Variants in PLEKHA4 observed in about 807,000 individuals in gnomAD.
PLEKHA4 encodes the protein pleckstrin homology domain containing A4, also known as pleckstrin homology domain-containing family A member 4.
Under a neutral mutation model 94.7 loss-of-function variants are expected in PLEKHA4, and 73 were observed. The observed-to-expected ratio is 0.77, with a 90% CI of 0.64 to 0.94. The LOEUF (loss-of-function observed/expected upper bound fraction) is 0.94. PLEKHA4 is among the 40% of genes least tolerant of loss of function. The pLI, the probability that PLEKHA4 is intolerant of heterozygous loss-of-function variation, is 0.00. For missense variants in PLEKHA4, 1,049 were observed against 1,054.1 expected (o/e 1.00, Z 0.07); for synonymous variants, 449 against 437.1 (o/e 1.03, Z -0.34).
At chr19:48,844,715 C>A (rs1941250329) in intron 16 of PLEKHA4, 1 of 897,886 alleles carries the variant, frequency 1.1e-6, no homozygotes, top group Non-Finnish European at 1.3e-6. Flanking sequence ...TAAAGTCAAC[C>A]AATTCCTAAA....
intron 8 of PLEKHA4, 128 bp from the exon 9 acceptor site, chr19:48,857,624 T>C (rs555141078): frequency 7.1e-5 from 44 of 624,066 alleles, no homozygotes; most frequent in Middle Eastern, 4.2e-4. Flanking sequence ...CCCCCAACCC[T>C]GTGCTCTCTG....
intron 18 of PLEKHA4, among the ~76,000 whole-genome samples, chr19:48,838,950 G>A (rs960302720): frequency 6.6e-6 from 1 of 151,928 alleles, no homozygotes; most frequent in African/African-American, 2.4e-5. Flanking sequence ...TAGTCCACTC[G>A]CGCGTCACTA....
rs180753149 is a variant in PLEKHA4, at chr19:48,849,540, C to T, written c.1426-1500G>A. Among the ~76,000 whole-genome samples the T allele has an allele frequency of 3.3e-5, 5 of 152,136 alleles. No individual in the cohort carries two copies. The East Asian group carries it at 9.7e-4, about 30-fold the overall frequency. On this transcript the variant is annotated intron_variant, in intron 13 of 19. Transcript: ENST00000263265. ...GTCAGATTGGTCTCCAACTCCTGAC[C>T]TCAAGTGATCCACCTGCCTTGGCCT...
In PLEKHA4 at chr19:48,837,922, CG is replaced by C; in HGVS notation, c.2077+94del. ...ACTCACCAAGATAAAAAATTCTCAC[CG>C]GCCCCCAGACCCCTCCTCTCCAGGA... is the stretch of plus-strand genomic sequence containing the variant. On this transcript the variant is annotated intron_variant, in intron 19 of 19. Coordinates refer to ENST00000263265, the MANE Select transcript of PLEKHA4 (RefSeq NM_020904.3). The surrounding 1 kb of genome is among the most constrained non-coding windows in gnomAD (Gnocchi z 4.3). The C allele has an allele frequency of 9.8e-7, 1 of 1,022,822 alleles. No individual in the cohort carries two copies. Among genetic ancestry groups the C allele is most frequent in the South Asian group, 1.5e-5 (1 of 68,064 alleles). 63.4% of individuals were successfully genotyped at this position (1,022,822 alleles called of 1,614,324 possible).
At chr19:48,856,171 C>CAA (rs763000093) in intron 9 of PLEKHA4, among the ~76,000 whole-genome samples, 1 of 60,390 alleles carries the variant, frequency 1.7e-5, no homozygotes, top group Non-Finnish European at 3.2e-5. Context: ...AACTCCTTCT[C>CAA]AAAAAAAAAA....
At chr19:48,852,032 T>G (rs2036212314) in intron 13 of PLEKHA4, among the ~76,000 whole-genome samples, 196 bp downstream of exon 13, 1 of 151,968 alleles carries the variant, frequency 6.6e-6, no homozygotes, top group African/African-American at 2.4e-5. Flanking sequence ...AAAATTTTAA[T>G]GAGAGAATTT....
chr19:48,860,517 G>C, intron 5 of PLEKHA4, 58 bp from the exon 6 acceptor site: 2 of 1,356,740 alleles, frequency 1.5e-6, no homozygotes, highest in Non-Finnish European at 1.1e-6. Context: ...AGGAGGACAG[G>C]CCGGACCGGT....
intron 7 of PLEKHA4, 49 bp from the exon 8 acceptor site, chr19:48,859,188 A>G: frequency 7.4e-7 from 1 of 1,357,602 alleles, no homozygotes; most frequent in African/African-American, 1.5e-5. Flanking sequence ...AGCCCTCTCC[A>G]TCCACCTCCT....
At chr19:48,861,562 G>A (rs933619542) in intron 4 of PLEKHA4, 58 bp downstream of exon 4, 7 of 1,612,452 alleles carry the variant, frequency 4.3e-6, no homozygotes, top group South Asian at 1.1e-5. Flanking sequence ...ATGCTAGAGA[G>A]AAGGGCAGAC....
At chr19:48,862,609 C>T (rs2036686258) in intron 3 of PLEKHA4, among the ~76,000 whole-genome samples, 3 of 149,894 alleles carry the variant, frequency 2.0e-5, no homozygotes, top group Admixed American at 1.3e-4. Context: ...CCCGGGTTCA[C>T]GCCATTCTCC....
At chr19:48,839,116 A>G (rs2035657514) in intron 18 of PLEKHA4, 89 bp downstream of exon 18, 1 of 885,586 alleles carries the variant, frequency 1.1e-6, no homozygotes, top group Non-Finnish European at 1.7e-6. Flanking sequence ...GTACTTCCAT[A>G]TTCAGGAGAC....
At position 48,838,146 on chromosome 19, in the gene PLEKHA4, G is replaced by T; in HGVS notation, c.1965-17C>A. ...TTCCTTGGACTAGAAAAAAAAAGAAGATTGGGGGTGGGGGTGTGTACATGG... is the reference window on the plus strand; with the variant it reads ...TTCCTTGGACTAGAAAAAAAAAGAATATTGGGGGTGGGGGTGTGTACATGG... On this transcript the variant is annotated splice_polypyrimidine_tract_variant and intron_variant, in intron 18 of 19. Transcript: ENST00000263265. The T allele has an allele frequency of 4.0e-6, 6 of 1,499,456 alleles. No individual in the cohort carries two copies. Among genetic ancestry groups the T allele is most frequent in the African/African-American group, 1.4e-5 (1 of 72,166 alleles). 92.9% of individuals were successfully genotyped at this position (1,499,456 alleles called of 1,614,324 possible). A position where few individuals can be genotyped will look rare whatever the true frequency, so the allele number is the denominator to read the frequency against.
intron 17 of PLEKHA4, among the ~76,000 whole-genome samples, chr19:48,839,806 A>C (rs1326335362): frequency 6.6e-6 from 1 of 151,958 alleles, no homozygotes; most frequent in African/African-American, 2.4e-5. Flanking sequence ...CCTTTCTATA[A>C]AAGTCTAAGG....
In PLEKHA4 at chr19:48,845,734, GC is replaced by G. The variant is rs2035944844; in HGVS notation, c.1567-119del. On this transcript the variant is annotated intron_variant, in intron 14 of 19. Coordinates refer to ENST00000263265, the MANE Select transcript of PLEKHA4 (RefSeq NM_020904.3). ...GAATAGGATTCAGACCATAAACCAGGCCGGGCGCAGTGGCTCACACCTGTAA... is the reference window on the plus strand; with the variant it reads ...GAATAGGATTCAGACCATAAACCAGGCGGGCGCAGTGGCTCACACCTGTAA... 4.7e-6 allele frequency: 4 copies of G among 854,536 alleles called. No homozygotes were observed. In the South Asian group the frequency reaches 8.7e-5, roughly 18 times the overall value. 52.9% of individuals were successfully genotyped at this position (854,536 alleles called of 1,614,324 possible). A position where few individuals can be genotyped will look rare whatever the true frequency, so the allele number is the denominator to read the frequency against.
At chr19:48,865,401 T>C in intron 3 of PLEKHA4, 102 bp downstream of exon 3, 1 of 739,462 alleles carries the variant, frequency 1.4e-6, no homozygotes, top group East Asian at 2.6e-5. Context: ...GGGGCAGTGA[T>C]AGCAAGAAAA....
chr19:48,865,681 A>C, intron 2 of PLEKHA4, 71 bp from the exon 3 acceptor site: 1 of 1,082,466 alleles, frequency 9.2e-7, no homozygotes, highest in Admixed American at 2.0e-5. Flanking sequence ...GAGGGTGGAC[A>C]CAGGCAACCG....
intron 12 of PLEKHA4, among the ~76,000 whole-genome samples, chr19:48,852,565 C>G (rs1425464656): frequency 6.6e-6 from 1 of 152,040 alleles, no homozygotes; most frequent in Non-Finnish European, 1.5e-5. Flanking sequence ...TTCCCTGAAT[C>G]CCCAGGATTA....
At chr19:48,860,149 A>C (rs2036579051) in intron 6 of PLEKHA4, 4 of 592,942 alleles carry the variant, frequency 6.7e-6, no homozygotes, top group African/African-American at 3.7e-5. Flanking sequence ...GGGACGGACA[A>C]GGTGGTGGGC....
chr19:48,845,746 G>T (rs1478871635), intron 14 of PLEKHA4, 130 bp from the exon 15 acceptor site: 2 of 721,414 alleles, frequency 2.8e-6, no homozygotes, highest in Non-Finnish European at 4.2e-6. Context: ...CGGGCGCAGT[G>T]GCTCACACCT....
Sources: allele counts gnomAD v4.1 joint callset (sites outside exome capture counted in the v4.1 genomes callset), GRCh38; gene constraint gnomAD v4.1.1; non-coding constraint Gnocchi (gnomAD v3.1); transcripts MANE v1.5; gene names NCBI Gene and HGNC (gene_info 2026-07-23, HGNC 2026-07-21).